The following ZC3H12B variants were observed in gnomAD, a reference collection of about 807,000 sequenced individuals.
The protein encoded by ZC3H12B is probable ribonuclease ZC3H12B.
In ZC3H12B, 7 loss-of-function variants were observed where a neutral mutation model predicts 43.9. The ratio of observed to expected loss-of-function variants is 0.16; its 90% CI spans 0.09 to 0.30. ZC3H12B has a LOEUF of 0.30. ZC3H12B is among the 10% of genes least tolerant of loss of function. The pLI, the probability that ZC3H12B is intolerant of heterozygous loss-of-function variation, is 1.00. For missense variants in ZC3H12B, 475 were observed against 670.2 expected (o/e 0.71, Z 3.22); for synonymous variants, 222 against 241.7 (o/e 0.92, Z 0.76).
upstream of ZC3H12B, among the ~76,000 whole-genome samples, chrX:65,483,757 G>T (rs983965546): frequency 5.3e-5 from 6 of 112,215 alleles, no homozygotes; most frequent in African/African-American, 1.9e-4. Flanking sequence ...AAAATGTGAT[G>T]ATTTGATACA....
chrX:65,475,749 C>T (rs1025843888), intron 3 of ZC3H12B, among the ~76,000 whole-genome samples: 11 of 111,908 alleles, frequency 9.8e-5, no homozygotes, highest in Middle Eastern at 4.6e-3. Context: ...TCTTACATGG[C>T]GGCAGGCAAG....
intron 1 of ZC3H12B, among the ~76,000 whole-genome samples, chrX:65,490,099 G>A (rs761845296): frequency 1.9e-4 from 21 of 111,590 alleles, no homozygotes; most frequent in Non-Finnish European, 1.3e-4. Flanking sequence ...TAGCCCCCTA[G>A]AGATGTCCAC....
At chrX:65,199,330 A>G in the ZC3H12B span, among the ~76,000 whole-genome samples, 2 of 108,509 alleles carry the variant, frequency 1.8e-5, no homozygotes, top group Non-Finnish European at 3.8e-5. Flanking sequence ...TTTCTCTTTG[A>G]TTCTTTTAAA....
the ZC3H12B span, among the ~76,000 whole-genome samples, chrX:65,130,534 G>A: frequency 9.0e-6 from 1 of 110,518 alleles, no homozygotes. Context: ...AAGGGAGGGG[G>A]CCTGAACAAT....
chrX:65,175,098 C>T, the ZC3H12B span, among the ~76,000 whole-genome samples: 3 of 111,915 alleles, frequency 2.7e-5, no homozygotes, highest in Non-Finnish European at 5.6e-5. Context: ...GGCCAGATAG[C>T]ACAGTTCCTT....
the ZC3H12B span, among the ~76,000 whole-genome samples, chrX:65,317,641 A>T: frequency 9.2e-6 from 1 of 108,425 alleles, no homozygotes; most frequent in African/African-American, 3.4e-5. Flanking sequence ...TTGGGTTTCC[A>T]TTCCTGAGTT....
chrX:65,331,078 A>G, the ZC3H12B span: 1 of 312,925 alleles, frequency 3.2e-6, no homozygotes, highest in Non-Finnish European at 6.2e-6. Flanking sequence ...ATTCAACCCT[A>G]TTTTTATTCC....
chrX:65,452,449 A>C (rs1372674530), intron 3 of ZC3H12B, among the ~76,000 whole-genome samples: 1 of 111,544 alleles, frequency 9.0e-6, no homozygotes. Context: ...AAAAAAAAAA[A>C]AACACTTGGG....
chrX:65,276,829 A>G, the ZC3H12B span, among the ~76,000 whole-genome samples: 2 of 111,938 alleles, frequency 1.8e-5, no homozygotes, highest in East Asian at 2.8e-4. Flanking sequence ...GAGTGAGTAA[A>G]GAGCAAAAGG....
chrX:65,432,351 G>T (rs780850026), intron 3 of ZC3H12B, among the ~76,000 whole-genome samples: 12 of 111,713 alleles, frequency 1.1e-4, no homozygotes, highest in Non-Finnish European at 2.3e-4. Context: ...CCAAAAGAGA[G>T]TAGTTATTTG....
At chrX:65,313,334 C>A in the ZC3H12B span, among the ~76,000 whole-genome samples, 4 of 111,713 alleles carry the variant, frequency 3.6e-5, no homozygotes, top group African/African-American at 1.3e-4. Context: ...ATTTTTAAGT[C>A]AAATATCAGG....
upstream of ZC3H12B, among the ~76,000 whole-genome samples, chrX:65,366,040 G>A (rs746232519): frequency 9.0e-6 from 1 of 110,510 alleles, no homozygotes; most frequent in Non-Finnish European, 1.9e-5. Flanking sequence ...ATCAAGCATT[G>A]GACTGTTACA....
At chrX:65,157,978 T>C in the ZC3H12B span, among the ~76,000 whole-genome samples, 2 of 93,300 alleles carry the variant, frequency 2.1e-5, no homozygotes, top group African/African-American at 7.5e-5. Flanking sequence ...TGTGGCCATG[T>C]GTTCTCATTG....
At chrX:65,445,322 C>T (rs765410692) in intron 3 of ZC3H12B, among the ~76,000 whole-genome samples, 12 of 111,965 alleles carry the variant, frequency 1.1e-4, no homozygotes, top group Non-Finnish European at 2.3e-4. Context: ...TAATCTTCAG[C>T]TTTGGTTTGT....
the ZC3H12B span, among the ~76,000 whole-genome samples, chrX:65,325,462 T>C: frequency 2.7e-5 from 3 of 111,328 alleles, no homozygotes; most frequent in East Asian, 8.4e-4. Flanking sequence ...CCATGAACTA[T>C]CTGAAAAATA....
At chrX:65,338,522 G>A in the ZC3H12B span, among the ~76,000 whole-genome samples, 1 of 111,931 alleles carries the variant, frequency 8.9e-6, no homozygotes, top group African/African-American at 3.3e-5. Context: ...TACAAAGCCA[G>A]AATTACACTG....
the ZC3H12B span, among the ~76,000 whole-genome samples, chrX:65,117,994 A>C: frequency 3.6e-5 from 4 of 111,503 alleles, no homozygotes. Flanking sequence ...GTCAGGTAGC[A>C]TGATGCCTCC....
intron 3 of ZC3H12B, among the ~76,000 whole-genome samples, chrX:65,471,929 C>T (rs1177258540): frequency 9.0e-6 from 1 of 111,687 alleles, no homozygotes; most frequent in Non-Finnish European, 1.9e-5. Flanking sequence ...GTTTTATGCT[C>T]TCAGAGGTAT....
At chrX:65,167,312 T>A in the ZC3H12B span, among the ~76,000 whole-genome samples, 4 of 112,171 alleles carry the variant, frequency 3.6e-5, no homozygotes, top group Admixed American at 3.8e-4. Flanking sequence ...CCTTTCCCCA[T>A]TTCTGGTTTT....
Sources: gnomAD v4.1 joint callset for allele counts (sites outside exome capture counted in the v4.1 genomes callset) on GRCh38, gnomAD v4.1.1 for gene constraint, MANE v1.5 for transcripts, NCBI Gene and HGNC (gene_info 2026-07-23, HGNC 2026-07-21) for gene names.